The following RUBCN variants were observed in gnomAD, a reference collection of about 807,000 sequenced individuals.
RUBCN encodes the protein rubicon autophagy regulator, also known as run domain Beclin-1-interacting and cysteine-rich domain-containing protein.
Under a neutral mutation model 113.2 loss-of-function variants are expected in RUBCN, and 74 were observed. The observed-to-expected ratio is 0.65, with a 90% CI of 0.54 to 0.79. The LOEUF is 0.79. Ranked by LOEUF, RUBCN falls within the 30% of genes least tolerant of loss-of-function variation. The pLI, the probability that RUBCN is intolerant of heterozygous loss-of-function variation, is 0.00. For missense variants in RUBCN, 1,109 were observed against 1,251.7 expected (o/e 0.89, Z 1.72); for synonymous variants, 480 against 490.0 (o/e 0.98, Z 0.27).
chr3:197,682,450 C>G lies in RUBCN; in HGVS notation c.2126+20G>C, dbSNP rs764097035. 6.2e-7 allele frequency: 1 copy of G among 1,614,064 alleles called. No individual in the cohort carries two copies. The highest frequency in any genetic ancestry group is 1.1e-5 in the South Asian group (1 of 91,060). ...GAGGACGGATCTGTGCTCCAAAGGG[C>G]ACAGACACTGGCCACTCACGTTGGG... On this transcript the variant is annotated intron_variant, in intron 14 of 19. Transcript: ENST00000296343.
intron 10 of RUBCN, 147 bp from the exon 11 acceptor site, chr3:197,693,963 AC>A (rs1722714042): frequency 1.5e-6 from 1 of 654,842 alleles, no homozygotes; most frequent in African/African-American, 1.8e-5. Context: ...AATAGAAGGT[AC>A]TACTATCTGG....
intron 11 of RUBCN, among the ~76,000 whole-genome samples, chr3:197,691,694 T>C (rs1722440224): frequency 6.6e-6 from 1 of 152,172 alleles, no homozygotes; most frequent in South Asian, 2.1e-4. Context: ...CCTTACAGAC[T>C]GCACAGCTTC....
At chr3:197,735,934 T>A (rs1414382096) in intron 1 of RUBCN, among the ~76,000 whole-genome samples, 1 of 152,180 alleles carries the variant, frequency 6.6e-6, no homozygotes, top group African/African-American at 2.4e-5. Flanking sequence ...CTAGAAGATA[T>A]GAGCTTTCTG....
chr3:197,704,221 G>A (rs556114309), intron 4 of RUBCN, among the ~76,000 whole-genome samples: 4 of 152,318 alleles, frequency 2.6e-5, no homozygotes, highest in African/African-American at 7.2e-5. Flanking sequence ...GATCACCTGA[G>A]GTTGGGAGTT....
chr3:197,740,011 C>T (rs942729475), upstream of RUBCN, among the ~76,000 whole-genome samples: 10 of 151,278 alleles, frequency 6.6e-5, no homozygotes, highest in Admixed American at 6.6e-5. Context: ...CTGCACTCCA[C>T]CCTGGGTGAC....
chr3:197,714,681 T>C (rs1725324415), intron 2 of RUBCN, among the ~76,000 whole-genome samples: 1 of 152,158 alleles, frequency 6.6e-6, no homozygotes, highest in Non-Finnish European at 1.5e-5. Flanking sequence ...TCCAATGTGA[T>C]TACTGGCTGA....
chr3:197,713,099 T>C (rs1469505250), intron 2 of RUBCN, among the ~76,000 whole-genome samples: 1 of 152,188 alleles, frequency 6.6e-6, no homozygotes, highest in African/African-American at 2.4e-5. Flanking sequence ...CCTCAGGTGA[T>C]CTGCCCGCCT....
At chr3:197,746,879 T>C (rs1728768609) in intron 1 of RUBCN, among the ~76,000 whole-genome samples, 1 of 152,034 alleles carries the variant, frequency 6.6e-6, no homozygotes, top group Non-Finnish European at 1.5e-5. Context: ...TGAGATATTC[T>C]TTGCTCTTCA....
chr3:197,693,297 T>G (rs948831392), intron 11 of RUBCN, among the ~76,000 whole-genome samples: 4 of 152,236 alleles, frequency 2.6e-5, no homozygotes, highest in East Asian at 3.8e-4. Context: ...TTTTTCCTCT[T>G]TTGTCCCCCT....
In RUBCN at chr3:197,718,007, G is replaced by A. The variant is rs1725735511; in HGVS notation, c.189C>T (p.Ser63=). ...CACGGATAAGCCCGTGATAGAGGAT[G>A]CTCTGCATGTCCCTGCAAAGCCGCT... ...GLERLCRDMQ[S]ILYHGLIRDQ... Residue 63 remains serine, a synonymous_variant, in exon 2 of 20, where the codon AGC becomes AGT. Coordinates refer to ENST00000296343, the MANE Select transcript of RUBCN (RefSeq NM_014687.4). 4 of 1,613,984 alleles carry A rather than the reference G, an allele frequency of 2.5e-6. No individual in the cohort carries two copies. The highest frequency in any genetic ancestry group is 3.4e-6 in the Non-Finnish European group (4 of 1,180,048).
rs1029340348 is a variant in RUBCN at position 197,715,071 on chromosome 3, T to C, written c.219+2906A>G. On this transcript the variant is annotated intron_variant, in intron 2 of 19. Transcript: ENST00000296343. ...TTGGGAGGTCGAGGCAGGCGGATCA[T>C]CTGAGGTCAGGAGTTCGAGACCAGC... is the stretch of plus-strand genomic sequence containing the variant. Among the ~76,000 whole-genome samples the C allele has an allele frequency of 3.3e-5, 5 of 151,928 alleles. No individual in the cohort carries two copies. The East Asian group carries it at 9.7e-4, about 29-fold the overall frequency.
intron 2 of RUBCN, among the ~76,000 whole-genome samples, chr3:197,709,633 G>A (rs1320711506): frequency 6.6e-6 from 1 of 152,016 alleles, no homozygotes; most frequent in African/African-American, 2.4e-5. Context: ...GCCTGCCTCG[G>A]CCTCCCAAAG....
chr3:197,677,322 C>T (rs1003595819), intron 17 of RUBCN, among the ~76,000 whole-genome samples, 158 bp downstream of exon 17: 3 of 152,234 alleles, frequency 2.0e-5, no homozygotes, highest in Non-Finnish European at 2.9e-5. Flanking sequence ...GAGAGAAGGA[C>T]ACAGATACAG....
In RUBCN at chr3:197,672,269, T is replaced by C. The variant is rs1035512997; in HGVS notation, c.*2749A>G. The C allele has an allele frequency of 2.0e-5, 3 of 152,256 alleles. No individual in the cohort carries two copies. Among genetic ancestry groups the C allele is most frequent in the Non-Finnish European group, 4.4e-5 (3 of 68,048 alleles). 9.4% of individuals were successfully genotyped at this position (152,256 alleles called of 1,614,324 possible). On this transcript the variant is annotated 3_prime_UTR_variant, in exon 20 of 20. Coordinates refer to ENST00000296343, the MANE Select transcript of RUBCN (RefSeq NM_014687.4). The stretch of plus-strand genomic sequence containing the variant: ...TGGTAAGCAAACTATGTTTTTTTTC[T>C]TTCCCTTTACTTACAGAAAGAACAC...
intron 11 of RUBCN, among the ~76,000 whole-genome samples, chr3:197,692,769 A>G (rs575771746): frequency 7.7e-4 from 117 of 152,322 alleles, no homozygotes; most frequent in Admixed American, 2.7e-3. Flanking sequence ...AAAATGTGTG[A>G]AAAAACGGAG....
At chr3:197,736,925 A>G, upstream of RUBCN, 1 of 1,348,942 alleles carries the variant, frequency 7.4e-7, no homozygotes, top group Non-Finnish European at 9.5e-7. Context: ...GGCTCCGGGG[A>G]CTACAGCCCC....
At chr3:197,714,258 T>G (rs889452337) in intron 2 of RUBCN, among the ~76,000 whole-genome samples, 6 of 152,222 alleles carry the variant, frequency 3.9e-5, no homozygotes, top group East Asian at 1.9e-4. Context: ...AGGTTCTAAC[T>G]GACTCCAAAG....
intron 1 of RUBCN, among the ~76,000 whole-genome samples, chr3:197,736,235 T>C (rs1728105436): frequency 6.6e-6 from 1 of 152,132 alleles, no homozygotes; most frequent in Non-Finnish European, 1.5e-5. Context: ...TCCCAGGAAT[T>C]CTCACATCCT....
intron 1 of RUBCN, among the ~76,000 whole-genome samples, chr3:197,720,634 T>C (rs1404812881): frequency 6.6e-5 from 10 of 152,150 alleles, no homozygotes; most frequent in Non-Finnish European, 1.5e-4. Flanking sequence ...CTCAAACTCC[T>C]GGGCTCACAT....
Sources: allele counts gnomAD v4.1 joint callset (sites outside exome capture counted in the v4.1 genomes callset), GRCh38; gene constraint gnomAD v4.1.1; transcripts MANE v1.5; gene names NCBI Gene and HGNC (gene_info 2026-07-23, HGNC 2026-07-21).